Variants in EPHB2 observed in about 807,000 individuals in gnomAD.
The protein encoded by EPHB2 is EPH receptor B2, also known as ephrin type-B receptor 2.
A neutral mutation model predicts 96.4 loss-of-function variants in EPHB2; 18 were observed. The ratio of observed to expected loss-of-function variants is 0.19; its 90% CI spans 0.13 to 0.28. The LOEUF is 0.28. Ranked by LOEUF, EPHB2 falls within the 10% of genes least tolerant of loss-of-function variation. EPHB2 has a pLI of 1.00. For synonymous variants in EPHB2, 506 were observed against 534.1 expected, an observed-to-expected ratio of 0.95 and a Z score of 0.72; for missense variants, 989 against 1,355.4, an observed-to-expected ratio of 0.73 and a Z score of 4.25.
chr1:22,882,574 A>T, intron 6 of EPHB2, 91 bp downstream of exon 6: 1 of 1,587,138 alleles, frequency 6.3e-7, no homozygotes, highest in Non-Finnish European at 8.6e-7. Context: ...CCACCGCAAG[A>T]TGAGACGCAC....
chr1:22,715,293 T>C (rs1264989148), intron 1 of EPHB2, among the ~76,000 whole-genome samples: 1 of 152,138 alleles, frequency 6.6e-6, no homozygotes, highest in Non-Finnish European at 1.5e-5. Context: ...AAGAAAGTGC[T>C]GGGGATAACG....
At chr1:22,749,690 G>A (rs116282165) in intron 1 of EPHB2, among the ~76,000 whole-genome samples, 2,549 of 152,186 alleles carry the variant, frequency 0.017, 63 homozygotes, top group African/African-American at 0.052. Context: ...TCTCCTCCCC[G>A]TCCACAGGGT....
At chr1:22,815,114 A>T (rs575168501) in intron 3 of EPHB2, among the ~76,000 whole-genome samples, 1 of 152,302 alleles carries the variant, frequency 6.6e-6, no homozygotes, top group African/African-American at 2.4e-5. Flanking sequence ...AGGAAAAGTG[A>T]AAAGGTCAAG....
At position 22,897,054 on chromosome 1, in the gene EPHB2, C is replaced by T. The variant is rs577471296; in HGVS notation, c.1765+576C>T. Among the ~76,000 whole-genome samples the T allele has an allele frequency of 3.9e-5, 6 of 152,282 alleles. No individual in the cohort carries two copies. In the East Asian group the frequency reaches 1.2e-3, roughly 29 times the overall value. ...CTTCTCTTCCTCTCACTCTGTGGCT[C>T]CAGACCCCTGTTCTTCCCCAGTGAC... is the stretch of plus-strand genomic sequence containing the variant. On this transcript the variant is annotated intron_variant, in intron 9 of 15. Transcript: ENST00000374630.
At chr1:22,801,095 C>A (rs1025336479) in intron 3 of EPHB2, among the ~76,000 whole-genome samples, 2 of 152,246 alleles carry the variant, frequency 1.3e-5, no homozygotes, top group Non-Finnish European at 2.9e-5. Flanking sequence ...CTGCTGCTTT[C>A]TAGCTGTATG....
At chr1:22,867,544 A>C (rs1001148023) in intron 5 of EPHB2, among the ~76,000 whole-genome samples, 1 of 152,148 alleles carries the variant, frequency 6.6e-6, no homozygotes, top group Non-Finnish European at 1.5e-5. Context: ...TGGGGTCCAG[A>C]GGGAGCTGAC....
chr1:22,891,487 C>T (rs542469992), intron 6 of EPHB2, among the ~76,000 whole-genome samples: 8 of 152,366 alleles, frequency 5.3e-5, no homozygotes, highest in Admixed American at 5.2e-4. Context: ...AGGGCCTGTG[C>T]CTTAGCTCCC....
chr1:22,908,211 A>G (rs749769876), intron 12 of EPHB2, 43 bp downstream of exon 12: 1 of 1,608,468 alleles, frequency 6.2e-7, no homozygotes, highest in African/African-American at 1.3e-5. Flanking sequence ...GAGCCAGAGA[A>G]GAGGGCATGA....
At chr1:22,727,904 A>G (rs1244934929) in intron 1 of EPHB2, among the ~76,000 whole-genome samples, 3 of 151,830 alleles carry the variant, frequency 2.0e-5, no homozygotes, top group African/African-American at 7.3e-5. Flanking sequence ...CAGCCTCCCA[A>G]AATGCTGGGA....
In EPHB2 at chr1:22,865,014, C is replaced by A. The variant is rs756268531; in HGVS notation, c.1105C>A (p.Arg369=). The change falls in exon 5 of 16, where the codon CGG becomes AGG. Residue 369 remains arginine (R), a synonymous_variant. Coordinates refer to ENST00000374630, the MANE Select transcript of EPHB2 (RefSeq NM_017449.5). The part of the protein sequence containing the change: ...NIICKSCGSG[R]GACTRCGDNV... Reference sequence around the variant, plus strand: ...CATCTGCAAGAGCTGTGGCTCGGGCCGGGGTGCCTGCACCCGCTGCGGGGA... The same window carrying A: ...CATCTGCAAGAGCTGTGGCTCGGGCAGGGGTGCCTGCACCCGCTGCGGGGA... 3 of 1,611,856 alleles carry A rather than the reference C, an allele frequency of 1.9e-6. No individual in the cohort carries two copies. The highest frequency in any genetic ancestry group is 2.7e-5 in the African/African-American group (2 of 74,880).
At chr1:22,773,390 C>T (rs893655022) in intron 1 of EPHB2, among the ~76,000 whole-genome samples, 1 of 152,204 alleles carries the variant, frequency 6.6e-6, no homozygotes, top group Non-Finnish European at 1.5e-5. Context: ...TTCAGGCCAC[C>T]TCAGCCCCAC....
chr1:22,802,155 G>T (rs528582408), intron 3 of EPHB2, among the ~76,000 whole-genome samples: 46 of 152,242 alleles, frequency 3.0e-4, no homozygotes, highest in African/African-American at 1.0e-3. Flanking sequence ...TTGGGGAAGA[G>T]AAGAGAAGGG....
chr1:22,815,526 G>A (rs1000676932), intron 3 of EPHB2, among the ~76,000 whole-genome samples: 4 of 152,212 alleles, frequency 2.6e-5, no homozygotes, highest in South Asian at 2.1e-4. Context: ...GGATCAGGCC[G>A]TGTTGGGTGC....
At position 22,906,049 on chromosome 1, in the gene EPHB2, C is replaced by T. The variant is rs770109876; in HGVS notation, c.1828C>T (p.Arg610Trp). ...CTACGAGGACCCCAACGAGGCAGTG[C>T]GGGAGTTTGCCAAGGAAATTGACAT... The part of the protein sequence containing the change: ...FTYEDPNEAV[R>W]EFAKEIDISC... Residue 610 changes from arginine to tryptophan, a missense_variant, in exon 10 of 16, where the codon CGG becomes TGG. Coordinates refer to ENST00000374630, the MANE Select transcript of EPHB2 (RefSeq NM_017449.5). The surrounding 1 kb of genome is among the most constrained non-coding windows in gnomAD (Gnocchi z 4.8). 9.9e-6 allele frequency: 16 copies of T among 1,614,178 alleles called. No individual in the cohort carries two copies. Among genetic ancestry groups the T allele is most frequent in the East Asian group, 2.2e-5 (1 of 44,890 alleles).
intron 1 of EPHB2, chr1:22,774,681 T>C: frequency 8.6e-6 from 8 of 927,668 alleles, no homozygotes; most frequent in Non-Finnish European, 1.0e-5. Context: ...GAGTACCTTG[T>C]TAAGAGCTAG....
At chr1:22,766,576 A>G (rs1189167787) in intron 1 of EPHB2, among the ~76,000 whole-genome samples, 1 of 151,882 alleles carries the variant, frequency 6.6e-6, no homozygotes, top group East Asian at 1.9e-4. Context: ...TACTATTCCC[A>G]TTTCCCAGAT....
intron 1 of EPHB2, among the ~76,000 whole-genome samples, chr1:22,711,782 G>A (rs899851280): frequency 2.0e-5 from 3 of 152,106 alleles, no homozygotes; most frequent in African/African-American, 4.8e-5. Context: ...AGCTGCCGCC[G>A]GGGCCGGACC....
intron 4 of EPHB2, among the ~76,000 whole-genome samples, chr1:22,863,637 T>C (rs1638357050): frequency 6.6e-6 from 1 of 152,204 alleles, no homozygotes; most frequent in Non-Finnish European, 1.5e-5. Context: ...CATTCAGCTG[T>C]AAGTAACAGA....
intron 5 of EPHB2, among the ~76,000 whole-genome samples, chr1:22,881,739 A>C (rs1639052603): frequency 6.6e-6 from 1 of 152,050 alleles, no homozygotes. Context: ...GATTACAAGC[A>C]TGCACCACCA....
Sources: gnomAD v4.1 joint callset for allele counts (sites outside exome capture counted in the v4.1 genomes callset) on GRCh38, gnomAD v4.1.1 for gene constraint, Gnocchi (gnomAD v3.1) non-coding constraint, MANE v1.5 for transcripts, NCBI Gene and HGNC (gene_info 2026-07-23, HGNC 2026-07-21) for gene names.